Variants in NCOA6 observed in about 807,000 individuals in gnomAD.
The protein encoded by NCOA6 is nuclear receptor coactivator 6.
Under a neutral mutation model 171.4 loss-of-function variants are expected in NCOA6, and 49 were observed. That is an observed-to-expected ratio of 0.29 (90% confidence interval 0.23 to 0.36). NCOA6 has a LOEUF of 0.36. NCOA6 is among the 10% of genes least tolerant of loss of function. NCOA6 has a pLI of 1.00. For missense variants in NCOA6, 2,248 were observed against 2,554.5 expected (o/e 0.88, Z 2.59); for synonymous variants, 910 against 927.5 (o/e 0.98, Z 0.34).
At chr20:34,735,937 C>G (rs2075943768) in intron 12 of NCOA6, among the ~76,000 whole-genome samples, 1 of 151,814 alleles carries the variant, frequency 6.6e-6, no homozygotes, top group East Asian at 1.9e-4. Context: ...GGGGACCAGT[C>G]ATACTTTTTT....
intron 14 of NCOA6, among the ~76,000 whole-genome samples, chr20:34,715,948 G>A (rs1568693899): frequency 6.6e-6 from 1 of 152,198 alleles, no homozygotes; most frequent in Non-Finnish European, 1.5e-5. Context: ...TGGGCGTGGT[G>A]GCTCACGCCT....
intron 11 of NCOA6, among the ~76,000 whole-genome samples, chr20:34,738,236 G>A (rs968653444): frequency 6.6e-6 from 1 of 152,086 alleles, no homozygotes; most frequent in African/African-American, 2.4e-5. Flanking sequence ...AAGCACAGAA[G>A]CCCCTTGAAA....
intron 14 of NCOA6, among the ~76,000 whole-genome samples, chr20:34,720,283 A>AC (rs1989164273): frequency 6.6e-6 from 1 of 152,254 alleles, no homozygotes; most frequent in Non-Finnish European, 1.5e-5. Context: ...TGTAAACAAC[A>AC]CATCTGATCA....
At chr20:34,717,553 T>A (rs1325249161) in intron 14 of NCOA6, among the ~76,000 whole-genome samples, 2 of 152,228 alleles carry the variant, frequency 1.3e-5, no homozygotes, top group Non-Finnish European at 2.9e-5. Flanking sequence ...AATTTCAGTA[T>A]GTTTGTCTTC....
At chr20:34,735,936 T>C (rs2075943608) in intron 12 of NCOA6, among the ~76,000 whole-genome samples, 1 of 152,008 alleles carries the variant, frequency 6.6e-6, no homozygotes, top group South Asian at 2.1e-4. Flanking sequence ...TGGGGACCAG[T>C]CATACTTTTT....
At chr20:34,722,210 A>C (rs1426656674) in intron 14 of NCOA6, among the ~76,000 whole-genome samples, 1 of 151,282 alleles carries the variant, frequency 6.6e-6, no homozygotes, top group Non-Finnish European at 1.5e-5. Context: ...GTGAAACCCT[A>C]TCTCTACTAA....
At chr20:34,788,835 C>CT (rs1352968051) in intron 2 of NCOA6, among the ~76,000 whole-genome samples, 7 of 152,280 alleles carry the variant, frequency 4.6e-5, no homozygotes, top group South Asian at 2.1e-4. Flanking sequence ...ATCCCAGCTA[C>CT]TGGGAGGCTA....
chr20:34,766,149 G>C (rs2076975677), intron 5 of NCOA6, among the ~76,000 whole-genome samples: 1 of 152,164 alleles, frequency 6.6e-6, no homozygotes, highest in African/African-American at 2.4e-5. Context: ...GCAGTAAAGA[G>C]AGATATCTTG....
intron 14 of NCOA6, among the ~76,000 whole-genome samples, chr20:34,716,281 C>T (rs1293269522): frequency 6.7e-6 from 1 of 149,488 alleles, no homozygotes; most frequent in Non-Finnish European, 1.5e-5. Context: ...GAATAAGCAA[C>T]GGCCTGCTCT....
intron 2 of NCOA6, among the ~76,000 whole-genome samples, chr20:34,786,143 G>A (rs1439359598): frequency 6.6e-6 from 1 of 152,148 alleles, no homozygotes; most frequent in African/African-American, 2.4e-5. Flanking sequence ...GGTGTTTATA[G>A]TATTCTCTGA....
chr20:34,821,495 C>A (rs1009714739), intron 1 of NCOA6: 8 of 152,144 alleles, frequency 5.3e-5, no homozygotes, highest in Non-Finnish European at 1.5e-5. Flanking sequence ...CCACACTTGA[C>A]AGCTTTGCAA....
chr20:34,715,712 A>G (rs1281000460), intron 14 of NCOA6, among the ~76,000 whole-genome samples: 2 of 152,182 alleles, frequency 1.3e-5, no homozygotes, highest in East Asian at 3.8e-4. Context: ...CAGACTGACA[A>G]TGCTTTTGGT....
chr20:34,768,627 A>G (rs774355190), intron 4 of NCOA6, 41 bp from the exon 5 acceptor site: 1 of 1,607,676 alleles, frequency 6.2e-7, no homozygotes, highest in South Asian at 1.1e-5. Context: ...TCATTAGAAT[A>G]AAATGCAAAT....
At chr20:34,816,250 C>T (rs1198956387) in intron 1 of NCOA6, among the ~76,000 whole-genome samples, 1 of 152,070 alleles carries the variant, frequency 6.6e-6, no homozygotes, top group African/African-American at 2.4e-5. Context: ...TATGTGTTGA[C>T]TTGTGCCCCC....
chr20:34,749,035 T>C (rs2076390218), intron 9 of NCOA6, among the ~76,000 whole-genome samples: 1 of 152,198 alleles, frequency 6.6e-6, no homozygotes, highest in East Asian at 1.9e-4. Flanking sequence ...TTTGGATCCT[T>C]ATTTGAACAA....
chr20:34,757,441 T>C lies in NCOA6; in HGVS notation c.1307A>G (p.Gln436Arg). The change falls in exon 7 of 15, where the codon CAG (glutamine) becomes CGG (arginine). Residue 436 changes from glutamine (Q) to arginine (R), a missense_variant. Gln to Arg is a conservative substitution (Grantham distance 43). Around this residue, in one of 7 missense-constraint regions of NCOA6, gnomAD observed 987 missense variants for 1,104.7 expected, o/e 0.89. Coordinates refer to ENST00000359003, the MANE Select transcript of NCOA6 (RefSeq NM_014071.5). Reference protein sequence around the residue: ...KSPASSPSSFQQGSPASSPTV... With the variant: ...KSPASSPSSFRQGSPASSPTV... ...TGGGGAGGATGCAGGGGATCCCTGCTGGAAGGAGGAGGGTGAGGAGGCAGG... is the reference window on the plus strand; with the variant it reads ...TGGGGAGGATGCAGGGGATCCCTGCCGGAAGGAGGAGGGTGAGGAGGCAGG... 1 of 1,613,692 alleles carries C rather than the reference T, an allele frequency of 6.2e-7. No individual in the cohort carries two copies. The highest frequency in any genetic ancestry group is 8.5e-7 in the Non-Finnish European group (1 of 1,179,776).
In NCOA6 at chr20:34,746,915, G is replaced by T. The variant is rs1339243841; in HGVS notation, c.2806C>A (p.Arg936Ser). The T allele has an allele frequency of 6.5e-7, 1 of 1,547,184 alleles. No individual in the cohort carries two copies. The highest frequency in any genetic ancestry group is 8.8e-7 in the Non-Finnish European group (1 of 1,142,750). ...SQQDLNTPDT[R>S]PAGLEEADQP... ...TCAGCCTCTTCCAGACCAGCTGGGC[G>T]AGTATCTGGGGTGCTAAAAAAAAAA... The change falls in exon 10 of 15, where the codon CGC becomes AGC. Residue 936 changes from arginine (R) to serine (S), a missense_variant. Around this residue, in one of 7 missense-constraint regions of NCOA6, gnomAD observed 352 missense variants for 419.1 expected, o/e 0.84. Transcript: ENST00000359003.
Position 34,817,209 on chromosome 20 carries a change from C to A in NCOA6, c.-164+8263G>T, listed in dbSNP as rs1277432918. 2.7e-4 allele frequency among the ~76,000 whole-genome samples: 18 copies of A among 67,782 alleles called. 6 individuals carry two copies. Among genetic ancestry groups the A allele is most frequent in the South Asian group, 1.5e-3 (3 of 1,986 alleles). 44.5% of individuals were successfully genotyped at this position (67,782 alleles called of 152,430 possible). On this transcript the variant is annotated intron_variant, in intron 1 of 14. Transcript: ENST00000359003. ...AACTGATATTCAACAGATTCAATAT[C>A]AGTAAAGGAGCTGATTAATGGGAAC...
chr20:34,759,385 T>C (rs901138554), intron 5 of NCOA6, among the ~76,000 whole-genome samples: 3 of 150,976 alleles, frequency 2.0e-5, no homozygotes, highest in African/African-American at 7.3e-5. Context: ...ATTTAAAAAA[T>C]TTGCTCTTAT....
Sources: gnomAD v4.1 joint callset for allele counts (sites outside exome capture counted in the v4.1 genomes callset) on GRCh38, gnomAD v4.1.1 for gene constraint, gnomAD v4.1.1 regional missense constraint, MANE v1.5 for transcripts, NCBI Gene and HGNC (gene_info 2026-07-23, HGNC 2026-07-21) for gene names.